LRP1B: variants seen among roughly 807,000 people sequenced by gnomAD.
LRP1B encodes low-density lipoprotein receptor-related protein 1B.
In LRP1B, 217 loss-of-function variants were observed where a neutral mutation model predicts 556.6. That is an observed-to-expected ratio of 0.39 (90% CI 0.35 to 0.44). LRP1B has a LOEUF of 0.44. LRP1B is among the 20% of genes least tolerant of loss of function. LRP1B has a pLI of 1.00. For synonymous variants in LRP1B, 2,047 were observed against 1,865.8 expected, an observed-to-expected ratio of 1.10 and a Z score of -2.50; for missense variants, 5,053 against 5,620.8, an observed-to-expected ratio of 0.90 and a Z score of 3.23.
intron 2 of LRP1B, among the ~76,000 whole-genome samples, chr2:141,740,479 A>G (rs995057144): frequency 1.3e-5 from 2 of 152,166 alleles, no homozygotes; most frequent in Non-Finnish European, 2.9e-5. Flanking sequence ...TAGTAGGTAT[A>G]TATTTTGTCA....
intron 29 of LRP1B, 90 bp from the exon 30 acceptor site, chr2:140,841,182 T>C: frequency 1.3e-6 from 1 of 799,654 alleles, no homozygotes; most frequent in Admixed American, 2.8e-5. Flanking sequence ...TAAGGGAAAA[T>C]TTAATTTATA....
intron 3 of LRP1B, among the ~76,000 whole-genome samples, chr2:141,447,383 G>C (rs112418963): frequency 0.055 from 8,373 of 151,860 alleles, 722 homozygotes; most frequent in African/African-American, 0.19. Flanking sequence ...GGAGGAGTTT[G>C]TTACTACCCA....
At chr2:140,988,159 G>A (rs1484690398) in intron 17 of LRP1B, among the ~76,000 whole-genome samples, 5 of 152,044 alleles carry the variant, frequency 3.3e-5, no homozygotes, top group African/African-American at 1.2e-4. Context: ...CTTGGATCAA[G>A]TTTCCCCTGA....
At chr2:141,431,167 G>C (rs201033952) in intron 3 of LRP1B, among the ~76,000 whole-genome samples, 1 of 68,700 alleles carries the variant, frequency 1.5e-5, no homozygotes, top group Non-Finnish European at 3.3e-5. Flanking sequence ...ATAAATAAAT[G>C]AAATAGATTA....
At chr2:141,124,338 C>T (rs1309787645) in intron 7 of LRP1B, among the ~76,000 whole-genome samples, 1 of 152,070 alleles carries the variant, frequency 6.6e-6, no homozygotes, top group Non-Finnish European at 1.5e-5. Flanking sequence ...TGTATTGTTG[C>T]ATCGCTCACA....
intron 41 of LRP1B, among the ~76,000 whole-genome samples, chr2:140,675,968 G>GAA (rs34468741): frequency 5.3e-5 from 8 of 151,808 alleles, no homozygotes; most frequent in South Asian, 2.1e-4. Flanking sequence ...ATTGATGCAA[G>GAA]AAAAAAAATA....
chr2:140,521,225 A>C (rs1445359210), intron 49 of LRP1B, among the ~76,000 whole-genome samples: 2 of 152,002 alleles, frequency 1.3e-5, no homozygotes, highest in Non-Finnish European at 2.9e-5. Context: ...GAACAAGACA[A>C]TCATCCCCAA....
At chr2:141,360,079 A>G (rs1688768167) in intron 3 of LRP1B, among the ~76,000 whole-genome samples, 1 of 152,212 alleles carries the variant, frequency 6.6e-6, no homozygotes, top group Non-Finnish European at 1.5e-5. Flanking sequence ...AATTCTATAA[A>G]ACACAGATTT....
chr2:141,475,582 A>G (rs1682669191), intron 3 of LRP1B, among the ~76,000 whole-genome samples: 1 of 152,064 alleles, frequency 6.6e-6, no homozygotes, highest in African/African-American at 2.4e-5. Flanking sequence ...TCCTGTCTTC[A>G]CACCCAGATG....
chr2:141,439,493 T>C (rs929944759), intron 3 of LRP1B, among the ~76,000 whole-genome samples: 2 of 151,872 alleles, frequency 1.3e-5, no homozygotes, highest in East Asian at 3.8e-4. Context: ...TATAGAATTA[T>C]AAGTAATAAC....
At chr2:141,763,366 A>T (rs931206597) in intron 2 of LRP1B, among the ~76,000 whole-genome samples, 3 of 152,178 alleles carry the variant, frequency 2.0e-5, no homozygotes, top group Non-Finnish European at 4.4e-5. Flanking sequence ...GAAAGAGATT[A>T]TTGGGCTTAA....
chr2:141,547,465 T>G (rs1685595524), intron 2 of LRP1B, among the ~76,000 whole-genome samples: 1 of 152,142 alleles, frequency 6.6e-6, no homozygotes, highest in Non-Finnish European at 1.5e-5. Flanking sequence ...TCTTTGACAG[T>G]CCTGTTGCCA....
At chr2:141,306,596 C>T (rs1260478147) in intron 3 of LRP1B, among the ~76,000 whole-genome samples, 2 of 151,990 alleles carry the variant, frequency 1.3e-5, no homozygotes, top group African/African-American at 2.4e-5. Context: ...ACTTTGTAGA[C>T]AGTTTGCATT....
At chr2:140,351,190 G>A (rs1481475706) in intron 76 of LRP1B, 152 bp from the exon 77 acceptor site, 2 of 517,810 alleles carry the variant, frequency 3.9e-6, no homozygotes, top group Non-Finnish European at 6.5e-6. Flanking sequence ...TAGTCTTTAT[G>A]GCTTATTATT....
At chr2:142,113,991 G>C (rs538170979) in intron 1 of LRP1B, among the ~76,000 whole-genome samples, 1 of 152,150 alleles carries the variant, frequency 6.6e-6, no homozygotes, top group East Asian at 1.9e-4. Context: ...AGTATGAACA[G>C]CCACCACCAA....
intron 1 of LRP1B, among the ~76,000 whole-genome samples, chr2:141,980,563 G>A: frequency 6.6e-6 from 1 of 152,102 alleles, no homozygotes. Flanking sequence ...AAAGATGGTT[G>A]TAAAAATAAT....
intron 3 of LRP1B, among the ~76,000 whole-genome samples, chr2:141,262,752 T>C (rs1684743861): frequency 6.6e-6 from 1 of 152,152 alleles, no homozygotes; most frequent in South Asian, 2.1e-4. Flanking sequence ...TGTACCCTTA[T>C]GTTTCGTTAA....
intron 23 of LRP1B, among the ~76,000 whole-genome samples, 170 bp downstream of exon 23, chr2:140,902,750 T>C (rs978815926): frequency 6.6e-6 from 1 of 152,212 alleles, no homozygotes; most frequent in Non-Finnish European, 1.5e-5. Context: ...TAAGGATTAT[T>C]ATATTTTCTC....
At chr2:140,905,660 G>A (rs533148522) in intron 22 of LRP1B, among the ~76,000 whole-genome samples, 157 of 152,146 alleles carry the variant, frequency 1.0e-3, no homozygotes, top group African/African-American at 3.6e-3. Context: ...AACCCAGGTG[G>A]CGTAATCTTG....
Sources: gnomAD v4.1 joint callset for allele counts (sites outside exome capture counted in the v4.1 genomes callset) on GRCh38, gnomAD v4.1.1 for gene constraint, MANE v1.5 for transcripts, NCBI Gene and HGNC (gene_info 2026-07-23, HGNC 2026-07-21) for gene names.